The following HK2 variants were observed in gnomAD, a reference collection of about 807,000 sequenced individuals.
HK2 encodes the protein hexokinase-2.
HK2 carries 42 observed loss-of-function variants against 92.9 expected under a neutral mutation model. The observed-to-expected ratio is 0.45, with a 90% CI of 0.35 to 0.58. The LOEUF is 0.58. HK2 is among the 20% of genes least tolerant of loss of function. The pLI is 0.00. For missense variants in HK2, 978 were observed against 1,245.1 expected, an observed-to-expected ratio of 0.79 and a Z score of 3.23; for synonymous variants, 422 against 468.0, an observed-to-expected ratio of 0.90 and a Z score of 1.27.
chr2:74,843,525 G>A (rs1170668373), intron 1 of HK2, among the ~76,000 whole-genome samples: 1 of 152,108 alleles, frequency 6.6e-6, no homozygotes, highest in Admixed American at 6.6e-5. Flanking sequence ...ATTCTTTCCT[G>A]CCTTGGTTAA....
In HK2 at chr2:74,834,760, G is replaced by A; in HGVS notation, c.63+117G>A. On this transcript the variant is annotated intron_variant, in intron 1 of 17. Transcript: ENST00000290573. The surrounding 1 kb of genome is among the most constrained non-coding windows in gnomAD (Gnocchi z 4.2). The stretch of plus-strand genomic sequence containing the variant: ...CCTCCCTACTCCGGGCCTGGGAGCG[G>A]AAAAAGTTTGGGCAGCCGGGACACT... 8.3e-7 allele frequency: 1 copy of A among 1,199,602 alleles called. No individual in the cohort carries two copies. The highest frequency in any genetic ancestry group is 1.2e-5 in the South Asian group (1 of 81,600). The allele number at this position is 1,199,602 out of a possible 1,614,324, so 74.3% of individuals were successfully genotyped here. A position where few individuals can be genotyped will look rare whatever the true frequency, so the allele number is the denominator to read the frequency against.
At position 74,873,947 on chromosome 2, in the gene HK2, A is replaced by T; in HGVS notation, c.691+4A>T. 1 of 1,606,758 alleles carries T rather than the reference A, an allele frequency of 6.2e-7. No individual in the cohort carries two copies. Among genetic ancestry groups the T allele is most frequent in the Middle Eastern group, 1.7e-4 (1 of 6,044 alleles). On this transcript the variant is annotated splice_donor_region_variant and intron_variant, in intron 6 of 17. Coordinates refer to ENST00000290573, the MANE Select transcript of HK2 (RefSeq NM_000189.5). The stretch of plus-strand genomic sequence containing the variant: ...TGTGAGATTGGTCTCATTGTGGGTG[A>T]GTGAACACCGTGCATGAAGGGCCCG...
chr2:74,873,404 G>C, intron 5 of HK2, 33 bp downstream of exon 5: 1 of 1,458,456 alleles, frequency 6.9e-7, no homozygotes, highest in Non-Finnish European at 9.6e-7. Flanking sequence ...GGGGTCTGTG[G>C]GCTTTTCTGG....
At chr2:74,862,897 T>G (rs1440621780) in intron 2 of HK2, among the ~76,000 whole-genome samples, 1 of 152,196 alleles carries the variant, frequency 6.6e-6, no homozygotes, top group Non-Finnish European at 1.5e-5. Context: ...GAGGTTATCG[T>G]TACCCTTTTA....
intron 2 of HK2, among the ~76,000 whole-genome samples, chr2:74,860,187 G>T (rs1688791704): frequency 6.9e-6 from 1 of 145,178 alleles, no homozygotes; most frequent in Admixed American, 6.8e-5. Context: ...GAGGGTGGGG[G>T]GCATGAGGGT....
intron 2 of HK2, among the ~76,000 whole-genome samples, chr2:74,867,020 G>A (rs1391451396): frequency 6.6e-6 from 1 of 152,134 alleles, no homozygotes; most frequent in Admixed American, 6.5e-5. Context: ...TTGGTGTTCT[G>A]GGGGTATGAG....
At chr2:74,863,196 G>A (rs1451809685) in intron 2 of HK2, among the ~76,000 whole-genome samples, 1 of 152,216 alleles carries the variant, frequency 6.6e-6, no homozygotes, top group African/African-American at 2.4e-5. Context: ...TGTCCTAGGA[G>A]CTTTAGGGTG....
chr2:74,860,452 C>CT (rs1688799347), intron 2 of HK2, among the ~76,000 whole-genome samples: 1 of 152,226 alleles, frequency 6.6e-6, no homozygotes, highest in Non-Finnish European at 1.5e-5. Context: ...TCACATTCTA[C>CT]TATTTTCCAC....
chr2:74,867,709 T>C lies in HK2; in HGVS notation c.300T>C (p.Asn100=), dbSNP rs761378616. ...FRVLWVKVTD[N]GLQKVEMENQ... is the part of the protein sequence containing the mutation. ...TGCTTTGGGTGAAAGTAACGGACAA[T>C]GGGCTCCAGAAGGTGGAGATGGAGA... The change falls in exon 3 of 18, where the codon AAT becomes AAC. Residue 100 remains asparagine, a synonymous_variant. Transcript: ENST00000290573. 2 of 1,613,978 alleles carry C rather than the reference T, an allele frequency of 1.2e-6. No homozygotes were observed. Among genetic ancestry groups the C allele is most frequent in the African/African-American group, 1.3e-5 (1 of 74,888 alleles).
chr2:74,860,080 C>G (rs947948215), intron 2 of HK2, among the ~76,000 whole-genome samples: 1 of 151,794 alleles, frequency 6.6e-6, no homozygotes, highest in Non-Finnish European at 1.5e-5. Flanking sequence ...AGACAAATAC[C>G]GCACGTTTTC....
At chr2:74,835,588 C>G (rs1301510982) in intron 1 of HK2, among the ~76,000 whole-genome samples, 1 of 152,156 alleles carries the variant, frequency 6.6e-6, no homozygotes, top group Non-Finnish European at 1.5e-5. Context: ...GCTCTCATTC[C>G]CCGCCTCGGG....
intron 1 of HK2, among the ~76,000 whole-genome samples, chr2:74,840,591 G>C (rs562266542): frequency 1.3e-5 from 2 of 151,250 alleles, no homozygotes; most frequent in East Asian, 3.9e-4. Context: ...GGTTATGCCG[G>C]GCGCGGTGGC....
chr2:74,839,146 GT>G (rs962638144), intron 1 of HK2, among the ~76,000 whole-genome samples: 3 of 152,124 alleles, frequency 2.0e-5, no homozygotes, highest in Non-Finnish European at 4.4e-5. Context: ...GAATTTTAAT[GT>G]TTTTTTAAGA....
chr2:74,872,262 G>T lies in HK2; in HGVS notation c.376-38G>T. The T allele has an allele frequency of 1.9e-6, 3 of 1,611,786 alleles. No individual in the cohort carries two copies. In the South Asian group the frequency reaches 3.3e-5, roughly 18 times the overall value. On this transcript the variant is annotated intron_variant, in intron 3 of 17. Transcript: ENST00000290573. ...CATGCCCTTAATCTCTATGCTGTTC[G>T]ACCTCTCTGCTCACCACCCTGTGTC...
chr2:74,867,900 T>G, intron 3 of HK2, 116 bp downstream of exon 3: 1 of 1,193,690 alleles, frequency 8.4e-7, no homozygotes, highest in Non-Finnish European at 1.2e-6. Flanking sequence ...AAGACACTCA[T>G]GGATGCCAGC....
chr2:74,873,252 A>G (rs748487818), intron 4 of HK2, 24 bp from the exon 5 acceptor site: 3 of 1,559,668 alleles, frequency 1.9e-6, no homozygotes, highest in Non-Finnish European at 1.8e-6. Context: ...GGAAATCAAT[A>G]TTCACTTCTT....
At chr2:74,859,908 G>T (rs1688782511) in intron 2 of HK2, among the ~76,000 whole-genome samples, 1 of 152,218 alleles carries the variant, frequency 6.6e-6, no homozygotes, top group Admixed American at 6.5e-5. Context: ...TAGCAAAGAT[G>T]TGGAGTCGAT....
chr2:74,889,498 C>T lies in HK2; in HGVS notation c.2609+20C>T, dbSNP rs556455439. 71 of 1,479,756 alleles carry T rather than the reference C, an allele frequency of 4.8e-5. 1 individual carries two copies. In the Admixed American group the frequency reaches 5.4e-4, roughly 11 times the overall value. The allele number at this position is 1,479,756 out of a possible 1,614,324, so 91.7% of individuals were successfully genotyped here. The stretch of plus-strand genomic sequence containing the variant: ...TCCTCAGTGAGTGCCTGATCCCAGC[C>T]CCCCCTGCCTACCTTCTTTCTGTCT... On this transcript the variant is annotated intron_variant, in intron 17 of 17. Transcript: ENST00000290573.
At chr2:74,868,513 T>C (rs1689016031) in intron 3 of HK2, among the ~76,000 whole-genome samples, 1 of 151,734 alleles carries the variant, frequency 6.6e-6, no homozygotes, top group Admixed American at 6.6e-5. Context: ...TTAGAGGAGA[T>C]GATACCTGTT....
Sources: gnomAD v4.1 joint callset for allele counts (sites outside exome capture counted in the v4.1 genomes callset) on GRCh38, gnomAD v4.1.1 for gene constraint, Gnocchi (gnomAD v3.1) non-coding constraint, MANE v1.5 for transcripts, NCBI Gene and HGNC (gene_info 2026-07-23, HGNC 2026-07-21) for gene names.